Variants in MVP observed in about 807,000 individuals in gnomAD.
MVP encodes lung resistance-related protein.
A neutral mutation model predicts 83.5 loss-of-function variants in MVP; 62 were observed. That is an observed-to-expected ratio of 0.74 (90% CI 0.61 to 0.92). The LOEUF (loss-of-function observed/expected upper bound fraction) is 0.92. Ranked by LOEUF, MVP falls within the 40% of genes least tolerant of loss-of-function variation. The pLI is 0.00. For missense variants in MVP, 1,000 were observed against 1,203.4 expected, an observed-to-expected ratio of 0.83 and a Z score of 2.50; for synonymous variants, 505 against 504.1, an observed-to-expected ratio of 1.00 and a Z score of -0.02.
rs1189115787 is a variant in MVP, at chr16:29,844,709, G to A, written c.1851G>A (p.Met617Ile). The A allele has an allele frequency of 2.5e-6, 4 of 1,613,758 alleles. No homozygotes were observed. In the African/African-American group the frequency reaches 4.0e-5, roughly 16 times the overall value. ...ETSEAKGPDG[M>I]ALPRPRDQAV... The stretch of plus-strand genomic sequence containing the variant: ...CGGAAGCGAAGGGCCCCGATGGCAT[G>A]GCCCTGCCCAGGCCCCGGGACCAGG... The change falls in exon 11 of 15, where the codon ATG (methionine) becomes ATA (isoleucine). Residue 617 changes from methionine to isoleucine, a missense_variant. Coordinates refer to ENST00000357402, the MANE Select transcript of MVP (RefSeq NM_005115.5).
chr16:29,831,578 C>T (rs996604657), intron 3 of MVP: 15 of 456,026 alleles, frequency 3.3e-5, no homozygotes, highest in Non-Finnish European at 5.7e-5. Flanking sequence ...CACCCCCATC[C>T]TCCACACATG....
chr16:29,827,265 A>G (rs2067410903), intron 1 of MVP, among the ~76,000 whole-genome samples: 1 of 152,218 alleles, frequency 6.6e-6, no homozygotes, highest in Non-Finnish European at 1.5e-5. Flanking sequence ...AAGTTGCAAG[A>G]TGAAAGAATG....
chr16:29,839,071 G>A (rs903145952), intron 7 of MVP, among the ~76,000 whole-genome samples: 2 of 152,040 alleles, frequency 1.3e-5, no homozygotes, highest in Non-Finnish European at 2.9e-5. Context: ...TGTAATCCCA[G>A]CTACTGCTCG....
chr16:29,826,688 C>G (rs1288189301), intron 1 of MVP, among the ~76,000 whole-genome samples: 1 of 150,854 alleles, frequency 6.6e-6, no homozygotes, highest in Non-Finnish European at 1.5e-5. Context: ...TTTGGGAGGC[C>G]GAGGCGGGTG....
chr16:29,834,380 A>T, intron 5 of MVP: 1 of 359,184 alleles, frequency 2.8e-6, no homozygotes, highest in Non-Finnish European at 5.4e-6. Context: ...AATACAATTG[A>T]CAAATGTAGG....
chr16:29,837,750 A>AG (rs2067500280), intron 7 of MVP, among the ~76,000 whole-genome samples: 1 of 151,862 alleles, frequency 6.6e-6, no homozygotes, highest in Non-Finnish European at 1.5e-5. Flanking sequence ...TGAGACTCTC[A>AG]GAAAAAAAAA....
At position 29,830,892 on chromosome 16, in the gene MVP, C is replaced by G; in HGVS notation, c.140C>G (p.Pro47Arg). 2.5e-6 allele frequency: 4 copies of G among 1,612,584 alleles called. No homozygotes were observed. The highest frequency in any genetic ancestry group is 3.4e-6 in the Non-Finnish European group (4 of 1,178,852). ...RQDNERVLFA[P>R]MRMVTVPPRH... ...TCTTCCTGCAGGGTACTGTTTGCCC[C>G]CATGCGCATGGTGACCGTCCCCCCA... is the stretch of plus-strand genomic sequence containing the variant. Residue 47 changes from proline to arginine, a missense_variant, in exon 3 of 15, where the codon CCC becomes CGC. Pro to Arg is a moderately radical substitution (Grantham distance 103, BLOSUM62 -2). Transcript: ENST00000357402.
chr16:29,830,668 A>G lies in MVP; in HGVS notation c.119A>G (p.Asn40Ser). The change falls in exon 2 of 15, where the codon AAT (asparagine) becomes AGT (serine). Residue 40 changes from asparagine (N) to serine (S), a missense_variant. Coordinates refer to ENST00000357402, the MANE Select transcript of MVP (RefSeq NM_005115.5). ...VGPKTYIRQD[N>S]ERVLFAPMRM... ...CCAAAGACCTACATCCGGCAGGACA[A>G]TGAGAGGTGGGTGTGGGGGCTGGGC... 2.5e-6 allele frequency: 4 copies of G among 1,613,364 alleles called. No homozygotes were observed. Among genetic ancestry groups the G allele is most frequent in the Non-Finnish European group, 3.4e-6 (4 of 1,179,640 alleles).
At position 29,840,334 on chromosome 16, in the gene MVP, C is replaced by G; in HGVS notation, c.1066C>G (p.His356Asp). 1 of 1,611,710 alleles carries G rather than the reference C, an allele frequency of 6.2e-7. No individual in the cohort carries two copies. The highest frequency in any genetic ancestry group is 8.5e-7 in the Non-Finnish European group (1 of 1,179,064). Residue 356 changes from histidine to aspartate, a missense_variant, in exon 8 of 15, where the codon CAC becomes GAC. Transcript: ENST00000357402. ...GAAGGTCTCACACCAGGCTGGGGAC[C>G]ACTGGCTCATCCGCGGACCCCTGGA... The part of the protein sequence containing the change: ...EEKVSHQAGD[H>D]WLIRGPLEYV...
At chr16:29,832,787 G>A (rs948736258) in intron 3 of MVP, among the ~76,000 whole-genome samples, 2 of 151,602 alleles carry the variant, frequency 1.3e-5, no homozygotes, top group Non-Finnish European at 2.9e-5. Context: ...ATGTTCAGCC[G>A]GGCACAGTGG....
Position 29,846,628 on chromosome 16 carries a change from C to T in MVP, c.2265+344C>T, listed in dbSNP as rs562178648. Among the ~76,000 whole-genome samples the T allele has an allele frequency of 1.4e-4, 22 of 152,230 alleles. No homozygotes were observed. The East Asian group carries it at 3.9e-3, about 27-fold the overall frequency. On this transcript the variant is annotated intron_variant, in intron 13 of 14. Transcript: ENST00000357402. ...ATCCTAGCACTTTGGGAGGCCGAGG[C>T]GGGTGGATCACCTGAGGTCAGGAGT...
chr16:29,846,354 T>C, intron 13 of MVP, 70 bp downstream of exon 13: 1 of 1,489,784 alleles, frequency 6.7e-7, no homozygotes, highest in Non-Finnish European at 9.0e-7. Flanking sequence ...CTACAGTCCC[T>C]GAGACTGTAT....
rs566119792 is a variant in MVP, at chr16:29,841,858, A to G, written c.1436+18A>G. On this transcript the variant is annotated intron_variant, in intron 9 of 14. Coordinates refer to ENST00000357402, the MANE Select transcript of MVP (RefSeq NM_005115.5). This position sits in a 1 kb window ranked among gnomAD's most constrained non-coding sequence, Gnocchi z 4.7. Reference sequence around the variant, plus strand: ...CGAGCCCGGTGAGTGCTGGCAGCGCAGGGTGTAGGGGGTGGCTCTCCATGG... The same window carrying G: ...CGAGCCCGGTGAGTGCTGGCAGCGCGGGGTGTAGGGGGTGGCTCTCCATGG... 1.4e-4 allele frequency: 230 copies of G among 1,608,334 alleles called. 7 individuals carry two copies. The South Asian group carries it at 2.4e-3, about 16-fold the overall frequency.
intron 8 of MVP, 68 bp downstream of exon 8, chr16:29,840,527 G>A (rs1012100974): frequency 7.0e-5 from 105 of 1,497,508 alleles, no homozygotes; most frequent in Non-Finnish European, 9.0e-5. Flanking sequence ...TCCTCTGGGT[G>A]TGTGGAAGAG....
At chr16:29,828,135 A>C (rs937115219) in intron 1 of MVP, among the ~76,000 whole-genome samples, 1 of 151,528 alleles carries the variant, frequency 6.6e-6, no homozygotes, top group Non-Finnish European at 1.5e-5. Context: ...TAATTTTTGT[A>C]TTTTTAGTAG....
chr16:29,824,237 A>AG (rs2067389433), intron 1 of MVP, among the ~76,000 whole-genome samples: 1 of 149,734 alleles, frequency 6.7e-6, no homozygotes, highest in Admixed American at 6.6e-5. Flanking sequence ...AAAAAAAAAA[A>AG]AAAACAGATT....
At position 29,833,778 on chromosome 16, in the gene MVP, C is replaced by T. The variant is rs1361459781; in HGVS notation, c.367C>T (p.Leu123=). The T allele has an allele frequency of 6.2e-7, 1 of 1,613,978 alleles. No individual in the cohort carries two copies. The highest frequency in any genetic ancestry group is 1.3e-5 in the African/African-American group (1 of 74,888). The change falls in exon 4 of 15, where the codon CTA becomes TTA. Residue 123 remains leucine, a synonymous_variant. Coordinates refer to ENST00000357402, the MANE Select transcript of MVP (RefSeq NM_005115.5). ...QVVLPNTALH[L]KALLDFEDKD... ...GGTTCTGCCCAACACTGCCCTCCAT[C>T]TAAAGGCGCTGCTTGATTTTGAGGA...
At position 29,847,865 on chromosome 16, in the gene MVP, C is replaced by G; in HGVS notation, c.2558C>G (p.Pro853Arg). ...NTAFGLLGMG[P>R]EGQPLGRRVA... ...GCCTTTGGGCTGCTGGGGATGGGGC[C>G]CGAGGGTCAGCCCCTGGGCAGAAGG... The change falls in exon 15 of 15, where the codon CCC becomes CGC. Residue 853 changes from proline (P) to arginine (R), a missense_variant. Pro to Arg is a moderately radical substitution (Grantham distance 103). Transcript: ENST00000357402. 6.2e-7 allele frequency: 1 copy of G among 1,614,182 alleles called. No homozygotes were observed. The highest frequency in any genetic ancestry group is 8.5e-7 in the Non-Finnish European group (1 of 1,180,018).
At chr16:29,822,206 G>A (rs573469949) in intron 1 of MVP, among the ~76,000 whole-genome samples, 2 of 151,982 alleles carry the variant, frequency 1.3e-5, no homozygotes, top group East Asian at 3.9e-4. Context: ...GATCTAGGCG[G>A]TTCTTGCCTC....
Sources: gnomAD v4.1 joint callset for allele counts (sites outside exome capture counted in the v4.1 genomes callset) on GRCh38, gnomAD v4.1.1 for gene constraint, Gnocchi (gnomAD v3.1) non-coding constraint, MANE v1.5 for transcripts, NCBI Gene and HGNC (gene_info 2026-07-23, HGNC 2026-07-21) for gene names.